Variants in ERI2 observed in about 807,000 individuals in gnomAD.
ERI2 encodes the protein ERI1 exoribonuclease family member 2, also known as ERI1 exoribonuclease 2.
ERI2 carries 35 observed loss-of-function variants against 46.8 expected under a neutral mutation model. The ratio of observed to expected loss-of-function variants is 0.75; its 90% CI spans 0.57 to 0.99. The LOEUF (loss-of-function observed/expected upper bound fraction) is 0.99. Among genes scored for constraint, ERI2 ranks in the 50% least tolerant of loss-of-function variants. The pLI, the probability that ERI2 is intolerant of heterozygous loss-of-function variation, is 0.00. For missense variants in ERI2, 695 were observed against 796.2 expected (o/e 0.87, Z 1.53); for synonymous variants, 224 against 271.0 (o/e 0.83, Z 1.70).
intron 10 of ERI2, chr16:20,784,945 T>A (rs1320175503): frequency 6.3e-7 from 1 of 1,583,304 alleles, no homozygotes; most frequent in South Asian, 1.1e-5. Context: ...TTCTCTCCAT[T>A]TTTCCTCCTA....
chr16:20,801,272 TA>T lies in ERI2; in HGVS notation c.390del (p.Ile131PhefsTer14), dbSNP rs754307358. On this transcript the variant is annotated frameshift_variant, in exon 5 of 9. Coordinates refer to ENST00000357967, the MANE Select transcript of ERI2 (RefSeq NM_001142725.2). LOFTEE classifies it high-confidence loss of function. ...GGCTCTGAAATCCCAGTAGCAAAAATAATGTTCTTCTGTTGCTGAATCTTAT... is the reference window on the plus strand; with the variant it reads ...GGCTCTGAAATCCCAGTAGCAAAAATATGTTCTTCTGTTGCTGAATCTTAT... ...WIHKIQQQKN[I>X]IFATGISEPS... 30 of 1,612,616 alleles carry T rather than the reference TA, an allele frequency of 1.9e-5. No individual in the cohort carries two copies. Among genetic ancestry groups the T allele is most frequent in the Non-Finnish European group, 1.9e-5 (22 of 1,179,410 alleles).
chr16:20,785,568 G>GAATGAAATAAGAACAAAA (rs973102557), intron 10 of ERI2, among the ~76,000 whole-genome samples: 2 of 151,766 alleles, frequency 1.3e-5, no homozygotes, highest in African/African-American at 4.8e-5. Context: ...TAGAGGAAAT[G>GAATGAAATAAGAACAAAA]AATGAAATAA....
Position 20,796,515 on chromosome 16 carries a change from T to A in ERI2, c.*1209A>T. The A allele has an allele frequency of 6.2e-7, 1 of 1,609,230 alleles. No individual in the cohort carries two copies. The highest frequency in any genetic ancestry group is 8.5e-7 in the Non-Finnish European group (1 of 1,179,106). ...GTAGGCATCCTAATTATAACGAATA[T>A]TTGCTCAGTGTTGTGGACAATTTCA... On this transcript the variant is annotated 3_prime_UTR_variant, in exon 9 of 9. Transcript: ENST00000357967.
Position 20,796,842 on chromosome 16 carries a change from G to T in ERI2, c.*882C>A. 1 of 1,605,764 alleles carries T rather than the reference G, an allele frequency of 6.2e-7. No individual in the cohort carries two copies. Among genetic ancestry groups the T allele is most frequent in the Non-Finnish European group, 8.5e-7 (1 of 1,177,812 alleles). ...TGCTATATAATTGGCTTTATGTAAA[G>T]ATAAAAATTTCCAGGCTAATTTTCT... On this transcript the variant is annotated 3_prime_UTR_variant, in exon 9 of 9. Transcript: ENST00000357967.
chr16:20,795,219 C>G (rs1027712007), downstream of ERI2, among the ~76,000 whole-genome samples: 3 of 152,150 alleles, frequency 2.0e-5, no homozygotes, highest in African/African-American at 7.2e-5. Flanking sequence ...CAAAGTCTCA[C>G]TATGTTGCCC....
Position 20,798,617 on chromosome 16 carries a change from T to C in ERI2, c.1183A>G (p.Met395Val), listed in dbSNP as rs1174081305. The C allele has an allele frequency of 1.9e-6, 3 of 1,551,520 alleles. No homozygotes were observed. The African/African-American group carries it at 4.1e-5, about 21-fold the overall frequency. ...GGTAAACAGTCCAGAGTAGAGCTCA[T>C]TTCCAAATCAGAAACATGATGAACA... ...PTVHHVSDLE[M>V]SSTLDCLPVL... is the part of the protein sequence containing the mutation. Residue 395 changes from methionine to valine, a missense_variant, in exon 9 of 9, where the codon ATG becomes GTG. Met to Val is a conservative substitution (Grantham distance 21, BLOSUM62 1). Transcript: ENST00000357967.
chr16:20,791,186 C>T (rs968903322), intron 8 of ERI2, among the ~76,000 whole-genome samples: 1 of 152,118 alleles, frequency 6.6e-6, no homozygotes, highest in Non-Finnish European at 1.5e-5. Flanking sequence ...AATAAAAGAT[C>T]CAGATGCTAC....
At chr16:20,800,111 A>G (rs2080780636) in intron 6 of ERI2, 73 bp from the exon 7 acceptor site, 1 of 1,032,112 alleles carries the variant, frequency 9.7e-7, no homozygotes, top group South Asian at 1.5e-5. Flanking sequence ...ACTTTTCATA[A>G]TTTTTAGTTC....
At chr16:20,788,397 G>T (rs2152481495) in intron 10 of ERI2, among the ~76,000 whole-genome samples, 1 of 152,236 alleles carries the variant, frequency 6.6e-6, no homozygotes, top group South Asian at 2.1e-4. Flanking sequence ...ACCCCCACCT[G>T]CTCCCCATTA....
downstream of ERI2, among the ~76,000 whole-genome samples, chr16:20,795,589 A>C (rs1218892875): frequency 1.3e-5 from 2 of 152,264 alleles, no homozygotes; most frequent in African/African-American, 4.8e-5. Flanking sequence ...ACCTAAGTGC[A>C]GGATACTTAA....
rs1041778172 is a variant in ERI2, at chr16:20,790,910, C to G, written c.755G>C (p.Trp252Ser). The change falls in exon 9 of 11, where the codon TGG becomes TCG. Residue 252 changes from tryptophan to serine, a missense_variant. By Grantham distance (177) the Trp-to-Ser change is radical. Coordinates refer to the ERI2 transcript ENST00000300005. This position sits in a 1 kb window ranked among gnomAD's most constrained non-coding sequence, Gnocchi z 4.0. ...TGAGGCCAGATCACTGTTCCAGGTC[C>G]ACGAAGGCAAGAGGAAGGGACCCTA... 1 of 1,613,888 alleles carries G rather than the reference C, an allele frequency of 6.2e-7. No homozygotes were observed. Among genetic ancestry groups the G allele is most frequent in the African/African-American group, 1.3e-5 (1 of 74,894 alleles).
chr16:20,798,296 G>GT lies in ERI2; in HGVS notation c.1503dup (p.Pro502ThrfsTer2), dbSNP rs1286101969. 6.4e-7 allele frequency: 1 copy of GT among 1,551,482 alleles called. No individual in the cohort carries two copies. Among genetic ancestry groups the GT allele is most frequent in the South Asian group, 1.2e-5 (1 of 84,054 alleles). On this transcript the variant is annotated frameshift_variant, in exon 9 of 9. Coordinates refer to ENST00000357967, the MANE Select transcript of ERI2 (RefSeq NM_001142725.2). LOFTEE classifies it high-confidence loss of function. ...TTGAAGGTACTTGATTTGTGTTCAG[G>GT]TAACTTAAAGGCAGAAATATCTGAA...
chr16:20,800,140 CTT>C, intron 6 of ERI2, 102 bp from the exon 7 acceptor site: 1 of 905,846 alleles, frequency 1.1e-6, no homozygotes, highest in Non-Finnish European at 1.7e-6. Context: ...TTAGAATGTG[CTT>C]ATTTTTTGTG....
chr16:20,803,749 A>C (rs1469854087), intron 1 of ERI2, 79 bp from the exon 2 acceptor site: 2 of 1,490,218 alleles, frequency 1.3e-6, no homozygotes, highest in Non-Finnish European at 9.2e-7. Flanking sequence ...AACTAATGGT[A>C]CTGGGCAACA....
At position 20,790,147 on chromosome 16, in the gene ERI2, A is replaced by G. The variant is rs977092903; in HGVS notation, c.816-590T>C. On this transcript the variant is annotated intron_variant, in intron 9 of 10. Transcript: ENST00000300005. The surrounding 1 kb of genome is among the most constrained non-coding windows in gnomAD (Gnocchi z 4.0). ...GTAAATATATTTCTCTTAGGAATTT[A>G]AAGTATATTTAAAATATTTTTGGGC... is the stretch of plus-strand genomic sequence containing the variant. Among the ~76,000 whole-genome samples the G allele has an allele frequency of 7.8e-6, 1 of 127,838 alleles. No homozygotes were observed. Among genetic ancestry groups the G allele is most frequent in the Non-Finnish European group, 1.7e-5 (1 of 59,028 alleles). The allele number at this position is 127,838 out of a possible 152,430, so 83.9% of individuals were successfully genotyped here.
chr16:20,798,796 G>A lies in ERI2; in HGVS notation c.1004C>T (p.Ser335Phe), dbSNP rs2080763859. 6.4e-7 allele frequency: 1 copy of A among 1,551,556 alleles called. No homozygotes were observed. Among genetic ancestry groups the A allele is most frequent in the South Asian group, 1.2e-5 (1 of 84,050 alleles). ...CTGCAACTGCCCCACAGAAGTAGAG[G>A]ACTTAGTATTAAAAAGAGGTAAGGA... ...KSSLPLFNTK[S>F]STSVGQLQSP... The change falls in exon 9 of 9, where the codon TCC becomes TTC. Residue 335 changes from serine (S) to phenylalanine (F), a missense_variant. By Grantham distance (155) the Ser-to-Phe change is radical. Coordinates refer to ENST00000357967, the MANE Select transcript of ERI2 (RefSeq NM_001142725.2).
chr16:20,788,899 G>A (rs1292206237), intron 10 of ERI2, among the ~76,000 whole-genome samples: 1 of 152,142 alleles, frequency 6.6e-6, no homozygotes, highest in African/African-American at 2.4e-5. Flanking sequence ...TTAAAGAGAA[G>A]TTTTTACGCT....
downstream of ERI2, chr16:20,796,330 G>A (rs762799356): frequency 1.2e-6 from 2 of 1,600,444 alleles, no homozygotes; most frequent in Non-Finnish European, 1.7e-6. Context: ...ACATACAAAT[G>A]CATAACTCAT....
chr16:20,792,925 CTG>C (rs758438989), downstream of ERI2, among the ~76,000 whole-genome samples: 2 of 152,176 alleles, frequency 1.3e-5, no homozygotes, highest in Non-Finnish European at 2.9e-5. Flanking sequence ...TGCGTTTTGC[CTG>C]TGTGTCTACA....
Sources: gnomAD v4.1 joint callset for allele counts (sites outside exome capture counted in the v4.1 genomes callset) on GRCh38, gnomAD v4.1.1 for gene constraint, Gnocchi (gnomAD v3.1) non-coding constraint, MANE v1.5 for transcripts, NCBI Gene and HGNC (gene_info 2026-07-23, HGNC 2026-07-21) for gene names.